Variants in DDAH1 observed in about 807,000 individuals in gnomAD.
DDAH1 encodes the protein dimethylarginine dimethylaminohydrolase 1, also known as N(G),N(G)-dimethylarginine dimethylaminohydrolase 1.
A neutral mutation model predicts 28.8 loss-of-function variants in DDAH1; 19 were observed. That is an observed-to-expected ratio of 0.66 (90% CI 0.46 to 0.97). The LOEUF (loss-of-function observed/expected upper bound fraction) is 0.97. Among genes scored for constraint, DDAH1 ranks in the 50% least tolerant of loss-of-function variants. The probability of loss-of-function intolerance (pLI) is 0.00; values close to 1 mark genes in which losing one functional copy is unlikely to be tolerated. For synonymous variants in DDAH1, 153 were observed against 154.4 expected (o/e 0.99, Z 0.07); for missense variants, 326 against 375.9 (o/e 0.87, Z 1.10).
intron 4 of DDAH1, among the ~76,000 whole-genome samples, chr1:85,343,544 A>AAATT (rs1411311128): frequency 1.3e-5 from 2 of 152,262 alleles, no homozygotes; most frequent in Non-Finnish European, 2.9e-5. Context: ...TAGTAAGACA[A>AAATT]AATTAAACCT....
At chr1:85,357,221 G>A (rs923070152) in intron 2 of DDAH1, among the ~76,000 whole-genome samples, 10 of 152,254 alleles carry the variant, frequency 6.6e-5, no homozygotes, top group Admixed American at 1.3e-4. Flanking sequence ...ATGCAGCGTA[G>A]GCCTTCTTGA....
At chr1:85,369,245 A>G (rs1305819246) in intron 1 of DDAH1, among the ~76,000 whole-genome samples, 1 of 140,538 alleles carries the variant, frequency 7.1e-6, no homozygotes, top group Non-Finnish European at 1.5e-5. Context: ...TTTTTTGTAG[A>G]GATGGGGTCT....
chr1:85,345,631 G>A lies in DDAH1; in HGVS notation c.597+4784C>T, dbSNP rs1271888717. 2.6e-5 allele frequency among the ~76,000 whole-genome samples: 4 copies of A among 152,182 alleles called. No homozygotes were observed. The East Asian group carries it at 7.7e-4, about 29-fold the overall frequency. On this transcript the variant is annotated intron_variant, in intron 4 of 5. Transcript: ENST00000284031. ...TGTAATCCCAGCACTTTGGGAGGCCGAGGCAGGCAGATCACTTGAGGTCAG... is the reference window on the plus strand; with the variant it reads ...TGTAATCCCAGCACTTTGGGAGGCCAAGGCAGGCAGATCACTTGAGGTCAG...
intron 1 of DDAH1, among the ~76,000 whole-genome samples, chr1:85,421,704 T>C (rs1016511661): frequency 1.3e-5 from 2 of 152,230 alleles, no homozygotes; most frequent in East Asian, 3.8e-4. Context: ...GTATGTAGCC[T>C]TTTTGGATTG....
chr1:85,493,227 G>A (rs1369890889), intron 2 of DDAH1, among the ~76,000 whole-genome samples: 1 of 152,058 alleles, frequency 6.6e-6, no homozygotes, highest in African/African-American at 2.4e-5. Flanking sequence ...GGCCCCAGGT[G>A]CTATGCCTAC....
intron 1 of DDAH1, among the ~76,000 whole-genome samples, chr1:85,533,209 G>GA (rs1465312088): frequency 6.6e-6 from 1 of 152,060 alleles, no homozygotes; most frequent in Non-Finnish European, 1.5e-5. Context: ...ACATTAGAGG[G>GA]AAAATCTCTT....
chr1:85,474,922 G>T (rs1367117152), intron 2 of DDAH1, among the ~76,000 whole-genome samples: 2 of 152,144 alleles, frequency 1.3e-5, no homozygotes, highest in African/African-American at 2.4e-5. Flanking sequence ...CCCTGGCTTT[G>T]TCACAGCTGT....
intron 1 of DDAH1, among the ~76,000 whole-genome samples, chr1:85,378,613 T>C (rs1650806648): frequency 6.6e-6 from 1 of 152,182 alleles, no homozygotes. Flanking sequence ...TTCACCATGT[T>C]GCCCAGGCTG....
rs1175666951 is a variant in DDAH1 at position 85,520,823 on chromosome 1, A to G, written c.-122-24542T>C. Among the ~76,000 whole-genome samples, 24 of 152,354 alleles carry G rather than the reference A, an allele frequency of 1.6e-4. No homozygotes were observed. In the East Asian group the frequency reaches 3.5e-3, roughly 22 times the overall value. On this transcript the variant is annotated intron_variant, in intron 1 of 6. Transcript: ENST00000426972. The stretch of plus-strand genomic sequence containing the variant: ...GCAGATACAGGAATTTTATGGGCAT[A>G]AACACAGGAATATGTCAATATGCAA...
chr1:85,568,585 G>A (rs1659371217), intron 1 of DDAH1, among the ~76,000 whole-genome samples: 1 of 152,022 alleles, frequency 6.6e-6, no homozygotes, highest in African/African-American at 2.4e-5. Flanking sequence ...TTACCCAAAA[G>A]GCTATGCACA....
intron 1 of DDAH1, among the ~76,000 whole-genome samples, chr1:85,438,145 A>T (rs576004467): frequency 9.2e-5 from 14 of 152,316 alleles, no homozygotes; most frequent in African/African-American, 3.4e-4. Flanking sequence ...ACAGGGATGC[A>T]AAAAGGGCAA....
chr1:85,577,951 C>T, intron 1 of DDAH1: 1 of 985,058 alleles, frequency 1.0e-6, no homozygotes, highest in Non-Finnish European at 1.2e-6. Flanking sequence ...AGCAAAAGAG[C>T]CATACAGAAT....
chr1:85,543,864 A>G (rs1007029021), intron 1 of DDAH1, among the ~76,000 whole-genome samples: 2 of 152,210 alleles, frequency 1.3e-5, no homozygotes, highest in Non-Finnish European at 2.9e-5. Flanking sequence ...TTTTGCTTCA[A>G]TTGGATGATG....
intron 4 of DDAH1, among the ~76,000 whole-genome samples, chr1:85,344,389 G>T (rs1275831146): frequency 6.6e-6 from 1 of 152,120 alleles, no homozygotes; most frequent in African/African-American, 2.4e-5. Context: ...CTCCCACGGG[G>T]TTAGGAAGGT....
chr1:85,531,509 A>G (rs1361014268), intron 1 of DDAH1, among the ~76,000 whole-genome samples: 2 of 152,216 alleles, frequency 1.3e-5, no homozygotes, highest in Non-Finnish European at 2.9e-5. Flanking sequence ...ACCATTTATT[A>G]TACATTTACC....
intron 1 of DDAH1, among the ~76,000 whole-genome samples, chr1:85,397,323 A>C (rs1283521626): frequency 6.6e-6 from 1 of 152,198 alleles, no homozygotes; most frequent in African/African-American, 2.4e-5. Context: ...CAGGTTTGTG[A>C]CAACTTTGAG....
At chr1:85,557,215 G>C (rs1396245263) in intron 1 of DDAH1, among the ~76,000 whole-genome samples, 1 of 152,170 alleles carries the variant, frequency 6.6e-6, no homozygotes, top group Non-Finnish European at 1.5e-5. Flanking sequence ...GACAGGAACT[G>C]TCTTTTGCAT....
At chr1:85,365,636 T>C (rs1650033798) in intron 1 of DDAH1, among the ~76,000 whole-genome samples, 3 of 152,174 alleles carry the variant, frequency 2.0e-5, no homozygotes, top group South Asian at 4.1e-4. Flanking sequence ...CAAGACATTA[T>C]ATACACTCCA....
chr1:85,545,517 G>T (rs528426885), intron 1 of DDAH1, among the ~76,000 whole-genome samples: 3 of 152,256 alleles, frequency 2.0e-5, no homozygotes, highest in African/African-American at 7.2e-5. Context: ...TGGCAGCAGT[G>T]GGGCCTGCTT....
Sources: allele counts gnomAD v4.1 joint callset (sites outside exome capture counted in the v4.1 genomes callset), GRCh38; gene constraint gnomAD v4.1.1; transcripts MANE v1.5; gene names NCBI Gene and HGNC (gene_info 2026-07-23, HGNC 2026-07-21).